The following YY1 variants were observed in gnomAD, a reference collection of about 807,000 sequenced individuals.
YY1 encodes the protein YY1 transcription factor.
YY1 carries 2 observed loss-of-function variants against 35.6 expected under a neutral mutation model. The ratio of observed to expected loss-of-function variants is 0.06; its 90% CI spans 0.02 to 0.18. The LOEUF (loss-of-function observed/expected upper bound fraction) is 0.18. Among genes scored for constraint, YY1 ranks in the 10% least tolerant of loss-of-function variants. The probability of loss-of-function intolerance (pLI) is 1.00; values close to 1 mark genes in which losing one functional copy is unlikely to be tolerated. For missense variants in YY1, 322 were observed against 573.4 expected (o/e 0.56, Z 4.48); for synonymous variants, 268 against 238.9 (o/e 1.12, Z -1.12).
Position 100,278,268 on chromosome 14 carries a change from T to C in YY1, c.*668T>C, listed in dbSNP as rs1007862935. 3.9e-5 allele frequency: 6 copies of C among 152,762 alleles called. No homozygotes were observed. The highest frequency in any genetic ancestry group is 3.9e-4 in the Admixed American group (6 of 15,292). The allele number at this position is 152,762 out of a possible 1,614,324, so 9.5% of individuals were successfully genotyped here. On this transcript the variant is annotated 3_prime_UTR_variant, in exon 5 of 5. Transcript: ENST00000262238. ...GTATCAAATATTAGATGTGATTTAATAGTGTTAATCAATTTAAACCCATTT... is the reference window on the plus strand; with the variant it reads ...GTATCAAATATTAGATGTGATTTAACAGTGTTAATCAATTTAAACCCATTT...
intron 2 of YY1, among the ~76,000 whole-genome samples, chr14:100,273,318 C>T (rs569646623): frequency 1.1e-3 from 161 of 151,890 alleles, no homozygotes; most frequent in Non-Finnish European, 1.3e-3. Flanking sequence ...TACAGAGTTT[C>T]GTTCTGTCAC....
In YY1 at chr14:100,276,676, A is replaced by G. The variant is rs763929745; in HGVS notation, c.1062+28A>G. 1.9e-6 allele frequency: 3 copies of G among 1,613,886 alleles called. No individual in the cohort carries two copies. Among genetic ancestry groups the G allele is most frequent in the Non-Finnish European group, 2.5e-6 (3 of 1,179,918 alleles). ...AGAGCCAGTTCCCTCTCTTCCCCAC[A>G]CTGCCTTGCCTGTCTGAACACTGCA... On this transcript the variant is annotated intron_variant, in intron 4 of 4. Transcript: ENST00000262238. This position sits in a 1 kb window ranked among gnomAD's most constrained non-coding sequence, Gnocchi z 4.1.
intron 1 of YY1, among the ~76,000 whole-genome samples, chr14:100,253,290 C>G (rs540964803): frequency 6.6e-6 from 1 of 152,314 alleles, no homozygotes; most frequent in South Asian, 2.1e-4. Flanking sequence ...CAGTAACATT[C>G]ATAGCATAAT....
rs75900706 is a variant in YY1 at position 100,252,170 on chromosome 14, G to A, written c.680-10134G>A. 2.9e-3 allele frequency among the ~76,000 whole-genome samples: 449 copies of A among 152,222 alleles called. 4 individuals carry two copies. Among genetic ancestry groups the A allele is most frequent in the African/African-American group, 9.9e-3 (413 of 41,544 alleles). On this transcript the variant is annotated intron_variant, in intron 1 of 4. Transcript: ENST00000262238. ...GAGACTCCATCTTTTTACTTCTCTG[G>A]ACTTGTAGAGTGCTTCTAGCCTTTC...
rs984309906 is a variant in YY1 at position 100,279,557 on chromosome 14, C to G, written c.*1957C>G. 2 of 152,250 alleles carry G rather than the reference C, an allele frequency of 1.3e-5. No homozygotes were observed. Among genetic ancestry groups the G allele is most frequent in the Non-Finnish European group, 2.9e-5 (2 of 68,048 alleles). The allele number at this position is 152,250 out of a possible 1,614,324, so 9.4% of individuals were successfully genotyped here. A position where few individuals can be genotyped will look rare whatever the true frequency, so the allele number is the denominator to read the frequency against. On this transcript the variant is annotated 3_prime_UTR_variant, in exon 5 of 5. Transcript: ENST00000262238. ...GACCCCAGCTGTTTTCTGGGTAAGC[C>G]AGGCTTTGCTGTATCTGGCAGTCAG...
rs142248602 is a variant in YY1 at position 100,272,934 on chromosome 14, C to A, written c.843-1764C>A. 2.7e-5 allele frequency among the ~76,000 whole-genome samples: 4 copies of A among 150,532 alleles called. No individual in the cohort carries two copies. In the East Asian group the frequency reaches 7.8e-4, roughly 30 times the overall value. ...TGAGTTACTTCACTCAGAGTAGTGG[C>A]CCCCAGCTAGTTTTTTGTTGTTTTT... is the stretch of plus-strand genomic sequence containing the variant. On this transcript the variant is annotated intron_variant, in intron 2 of 4. Coordinates refer to ENST00000262238, the MANE Select transcript of YY1 (RefSeq NM_003403.5).
intron 2 of YY1, among the ~76,000 whole-genome samples, chr14:100,272,780 C>T (rs1254494645): frequency 1.3e-5 from 2 of 151,852 alleles, no homozygotes; most frequent in African/African-American, 2.4e-5. Context: ...ACACTGTATC[C>T]GGTATGTAGT....
intron 3 of YY1, chr14:100,275,678 A>G (rs1266667372): frequency 6.6e-6 from 1 of 152,214 alleles, no homozygotes; most frequent in East Asian, 1.9e-4. Flanking sequence ...CTAAATGGAA[A>G]TTCAACCTAG....
At chr14:100,255,891 A>G (rs1890998363) in intron 1 of YY1, among the ~76,000 whole-genome samples, 1 of 152,118 alleles carries the variant, frequency 6.6e-6, no homozygotes, top group Non-Finnish European at 1.5e-5. Context: ...TTAATATTAG[A>G]ATTGTTCAGG....
intron 2 of YY1, among the ~76,000 whole-genome samples, chr14:100,264,899 A>G (rs1444206620): frequency 3.3e-5 from 5 of 152,152 alleles, no homozygotes; most frequent in Non-Finnish European, 7.3e-5. Flanking sequence ...GCTTGAGGCC[A>G]GGAGTTTGAG....
At chr14:100,248,940 G>A (rs1042089071) in intron 1 of YY1, among the ~76,000 whole-genome samples, 5 of 151,640 alleles carry the variant, frequency 3.3e-5, no homozygotes, top group African/African-American at 7.3e-5. Context: ...GCCCGCCTTG[G>A]TCTCCCAAAG....
In YY1 at chr14:100,274,580, G is replaced by A. The variant is rs1891293405; in HGVS notation, c.843-118G>A. Reference sequence around the variant, plus strand: ...CTCATCCTTTCTGCTTCATGGAAATGTATCATAATTTTAGTTTGGGTACCT... The same window carrying A: ...CTCATCCTTTCTGCTTCATGGAAATATATCATAATTTTAGTTTGGGTACCT... On this transcript the variant is annotated intron_variant, in intron 2 of 4. Transcript: ENST00000262238. 6.2e-6 allele frequency: 5 copies of A among 811,230 alleles called. No homozygotes were observed. The South Asian group carries it at 7.4e-5, about 12-fold the overall frequency. 50.3% of individuals were successfully genotyped at this position (811,230 alleles called of 1,614,324 possible).
At chr14:100,256,898 G>C (rs1053331297) in intron 1 of YY1, among the ~76,000 whole-genome samples, 1 of 150,994 alleles carries the variant, frequency 6.6e-6, no homozygotes, top group African/African-American at 2.4e-5. Flanking sequence ...TGGAAATATA[G>C]AGGTTGGATT....
intron 2 of YY1, among the ~76,000 whole-genome samples, chr14:100,262,965 T>C (rs1271020274): frequency 1.3e-5 from 2 of 152,198 alleles, no homozygotes; most frequent in African/African-American, 4.8e-5. Flanking sequence ...TGGAGTGCAG[T>C]GGTGCAATCT....
chr14:100,263,237 G>GT (rs1284903987), intron 2 of YY1, among the ~76,000 whole-genome samples: 1 of 152,220 alleles, frequency 6.6e-6, no homozygotes, highest in East Asian at 1.9e-4. Flanking sequence ...ATTTGGGTGT[G>GT]TTGTATTGGT....
rs997645222 is a variant in YY1, at chr14:100,280,009, A to G, written c.*2409A>G. On this transcript the variant is annotated 3_prime_UTR_variant, in exon 5 of 5. Transcript: ENST00000262238. ...TCTGAAATAGTCATCACTCCCCTTG[A>G]CTCTCTCTGTTCACGTCTTCTCAGT... The G allele has an allele frequency of 1.3e-5, 2 of 151,846 alleles. No individual in the cohort carries two copies. The highest frequency in any genetic ancestry group is 4.8e-5 in the African/African-American group (2 of 41,278). 9.4% of individuals were successfully genotyped at this position (151,846 alleles called of 1,614,324 possible). A position where few individuals can be genotyped will look rare whatever the true frequency, so the allele number is the denominator to read the frequency against.
At chr14:100,240,414 A>G (rs1566766554) in intron 1 of YY1, among the ~76,000 whole-genome samples, 1 of 150,830 alleles carries the variant, frequency 6.6e-6, no homozygotes, top group Non-Finnish European at 1.5e-5. Flanking sequence ...CGCTGCCGTT[A>G]CCCCATCGGC....
chr14:100,281,266 A>T lies in YY1; in HGVS notation c.*3666A>T, dbSNP rs993969581. ...AATCCTTCTATTTTCTTGACATCTG[A>T]CCCCCAGCAAGAGTAAGGATCCCAG... On this transcript the variant is annotated 3_prime_UTR_variant, in exon 5 of 5. Coordinates refer to ENST00000262238, the MANE Select transcript of YY1 (RefSeq NM_003403.5). The T allele has an allele frequency of 6.6e-6, 1 of 151,518 alleles. No homozygotes were observed. The highest frequency in any genetic ancestry group is 1.5e-5 in the Non-Finnish European group (1 of 67,934). The allele number at this position is 151,518 out of a possible 1,614,324, so 9.4% of individuals were successfully genotyped here. A position where few individuals can be genotyped will look rare whatever the true frequency, so the allele number is the denominator to read the frequency against.
rs1287982061 is a variant in YY1, at chr14:100,281,679, T to TA, written c.*4080dup. 1 of 152,272 alleles carries TA rather than the reference T, an allele frequency of 6.6e-6. No individual in the cohort carries two copies. Among genetic ancestry groups the TA allele is most frequent in the Admixed American group, 6.5e-5 (1 of 15,288 alleles). The allele number at this position is 152,272 out of a possible 1,614,324, so 9.4% of individuals were successfully genotyped here. A position where few individuals can be genotyped will look rare whatever the true frequency, so the allele number is the denominator to read the frequency against. ...TACCCCACGCCTTCAGAATCATGCT[T>TA]ACCTGCACGGCAGCATCTGACTGGA... On this transcript the variant is annotated 3_prime_UTR_variant, in exon 5 of 5. Transcript: ENST00000262238.
Sources: allele counts gnomAD v4.1 joint callset (sites outside exome capture counted in the v4.1 genomes callset), GRCh38; gene constraint gnomAD v4.1.1; non-coding constraint Gnocchi (gnomAD v3.1); transcripts MANE v1.5; gene names NCBI Gene and HGNC (gene_info 2026-07-23, HGNC 2026-07-21).